The following NRG3 variants were observed in gnomAD, a reference collection of about 807,000 sequenced individuals.
NRG3 encodes pro-neuregulin-3, membrane-bound isoform.
In NRG3, 31 loss-of-function variants were observed where a neutral mutation model predicts 66.9. That is an observed-to-expected ratio of 0.46 (90% CI 0.35 to 0.63). NRG3 has a LOEUF of 0.63. Among genes scored for constraint, NRG3 ranks in the 20% least tolerant of loss-of-function variants. NRG3 has a pLI of 0.00. For missense variants in NRG3, 910 were observed against 878.9 expected, an observed-to-expected ratio of 1.04 and a Z score of -0.45; for synonymous variants, 393 against 359.4, an observed-to-expected ratio of 1.09 and a Z score of -1.06.
intron 1 of NRG3, among the ~76,000 whole-genome samples, chr10:82,164,924 C>A (rs182581492): frequency 4.7e-4 from 72 of 152,182 alleles, no homozygotes; most frequent in Admixed American, 2.0e-3. Flanking sequence ...ATTTAGCCTT[C>A]TAATCTTTTT....
intron 3 of NRG3, among the ~76,000 whole-genome samples, chr10:82,817,014 C>T (rs1001594105): frequency 1.3e-5 from 2 of 152,228 alleles, no homozygotes; most frequent in African/African-American, 4.8e-5. Context: ...CAAAATTGTA[C>T]TTATCTATGA....
At chr10:82,592,144 C>T (rs1014909077) in intron 2 of NRG3, among the ~76,000 whole-genome samples, 13 of 152,168 alleles carry the variant, frequency 8.5e-5, no homozygotes, top group African/African-American at 2.7e-4. Context: ...TGTAATGGCT[C>T]AGTGAAACAT....
intron 2 of NRG3, among the ~76,000 whole-genome samples, chr10:82,561,518 TG>T (rs1175894562): frequency 6.6e-6 from 1 of 152,148 alleles, no homozygotes; most frequent in African/African-American, 2.4e-5. Flanking sequence ...CCGGGCATTG[TG>T]GTAGACACCT....
At chr10:82,201,196 C>CAAAAAAA (rs35232518) in intron 1 of NRG3, among the ~76,000 whole-genome samples, 1 of 78,052 alleles carries the variant, frequency 1.3e-5, no homozygotes, top group African/African-American at 4.8e-5. Flanking sequence ...GACTCTGTCT[C>CAAAAAAA]AAAAAAAAAA....
At chr10:81,976,115 A>G (rs535852085) in intron 1 of NRG3, among the ~76,000 whole-genome samples, 48 of 152,226 alleles carry the variant, frequency 3.2e-4, no homozygotes, top group Non-Finnish European at 4.8e-4. Flanking sequence ...ATTTACCACT[A>G]AGTTTATGTT....
At chr10:82,430,985 T>A (rs1051334471) in intron 2 of NRG3, among the ~76,000 whole-genome samples, 12 of 152,210 alleles carry the variant, frequency 7.9e-5, no homozygotes, top group African/African-American at 2.9e-4. Context: ...GCACACAGAC[T>A]TTTAATGCAA....
At chr10:82,631,741 A>G (rs1225532191) in intron 2 of NRG3, among the ~76,000 whole-genome samples, 1 of 151,772 alleles carries the variant, frequency 6.6e-6, no homozygotes, top group Non-Finnish European at 1.5e-5. Flanking sequence ...TGTTTTTGTG[A>G]TTTTTGTTTG....
chr10:82,073,744 G>A (rs144994368), intron 1 of NRG3, among the ~76,000 whole-genome samples: 36 of 152,198 alleles, frequency 2.4e-4, no homozygotes, highest in African/African-American at 7.9e-4. Flanking sequence ...AATTAATGCC[G>A]CAAATATTGC....
chr10:82,200,547 T>C (rs1043679304), intron 1 of NRG3, among the ~76,000 whole-genome samples: 2 of 152,086 alleles, frequency 1.3e-5, no homozygotes, highest in Non-Finnish European at 2.9e-5. Context: ...TAGGAGGAGA[T>C]TGGTGGCATC....
intron 1 of NRG3, among the ~76,000 whole-genome samples, chr10:82,210,922 T>TAAA (rs34245469): frequency 7.6e-6 from 1 of 132,110 alleles, no homozygotes; most frequent in African/African-American, 2.7e-5. Flanking sequence ...TGGAACTTGG[T>TAAA]AAAAAAAAAA....
chr10:82,223,568 A>G (rs1589374705), intron 1 of NRG3, among the ~76,000 whole-genome samples: 2 of 152,028 alleles, frequency 1.3e-5, no homozygotes, highest in East Asian at 3.9e-4. Context: ...ATTTCCTCCT[A>G]AATATACTAC....
chr10:82,814,006 G>C (rs2061604272), intron 3 of NRG3, among the ~76,000 whole-genome samples: 1 of 152,346 alleles, frequency 6.6e-6, no homozygotes, highest in Middle Eastern at 3.4e-3. Context: ...CTCGTACTCT[G>C]TGCAGGTGGC....
intron 2 of NRG3, among the ~76,000 whole-genome samples, chr10:82,629,148 A>G (rs73313581): frequency 0.02 from 3,099 of 152,280 alleles, 51 homozygotes; most frequent in Middle Eastern, 0.044. Context: ...GGATCAGTAC[A>G]GGCTGTGCAA....
At chr10:82,240,188 A>G (rs1173335723) in intron 1 of NRG3, among the ~76,000 whole-genome samples, 3 of 152,056 alleles carry the variant, frequency 2.0e-5, no homozygotes, top group African/African-American at 4.8e-5. Context: ...CCCCCCAGCA[A>G]TTAATATACC....
At chr10:82,541,756 G>T (rs895702859) in intron 2 of NRG3, among the ~76,000 whole-genome samples, 3 of 152,008 alleles carry the variant, frequency 2.0e-5, no homozygotes, top group Non-Finnish European at 2.9e-5. Context: ...ACAATATGAG[G>T]GGTGGTCTCC....
chr10:82,414,521 C>G (rs949012544), intron 2 of NRG3, among the ~76,000 whole-genome samples: 5 of 152,064 alleles, frequency 3.3e-5, no homozygotes, highest in Non-Finnish European at 5.9e-5. Flanking sequence ...TGAGCACATG[C>G]CGTTGGTAAA....
intron 2 of NRG3, among the ~76,000 whole-genome samples, chr10:82,478,905 CT>C (rs1395573400): frequency 6.6e-6 from 1 of 152,180 alleles, no homozygotes; most frequent in Non-Finnish European, 1.5e-5. Flanking sequence ...TTCAGACAGG[CT>C]CCTTTTGTTA....
rs555802437 is a variant in NRG3, at chr10:82,190,681, C to T, written c.824-168058C>T. ...GGTTTACTCCTCTGTGCCTCTGGGC[C>T]AGTGAGGAAGCTTTCAGCTGCCAAC... On this transcript the variant is annotated intron_variant, in intron 1 of 8. Coordinates refer to ENST00000372141, the MANE Select transcript of NRG3 (RefSeq NM_001010848.4). Among the ~76,000 whole-genome samples the T allele has an allele frequency of 3.3e-5, 5 of 152,266 alleles. No homozygotes were observed. The East Asian group carries it at 9.7e-4, about 29-fold the overall frequency.
intron 4 of NRG3, among the ~76,000 whole-genome samples, chr10:82,919,256 G>C (rs550288466): frequency 2.0e-5 from 3 of 152,184 alleles, no homozygotes; most frequent in African/African-American, 4.8e-5. Flanking sequence ...TTGTACATAC[G>C]TGTGCACCCT....
Sources: allele counts gnomAD v4.1 joint callset (sites outside exome capture counted in the v4.1 genomes callset), GRCh38; gene constraint gnomAD v4.1.1; transcripts MANE v1.5; gene names NCBI Gene and HGNC (gene_info 2026-07-23, HGNC 2026-07-21).